Variants in SPATA6 observed in about 807,000 individuals in gnomAD.
The protein encoded by SPATA6 is spermatogenesis-associated protein 6.
In SPATA6, 56 loss-of-function variants were observed where a neutral mutation model predicts 65.3. That is an observed-to-expected ratio of 0.86 (90% CI 0.69 to 1.07). SPATA6 has a LOEUF of 1.07. Among genes scored for constraint, SPATA6 ranks in the 50% least tolerant of loss-of-function variants. The probability of loss-of-function intolerance (pLI) is 0.00; values close to 1 mark genes in which losing one functional copy is unlikely to be tolerated. For synonymous variants in SPATA6, 199 were observed against 213.2 expected, an observed-to-expected ratio of 0.93 and a Z score of 0.58; for missense variants, 590 against 594.8, an observed-to-expected ratio of 0.99 and a Z score of 0.08.
intron 11 of SPATA6, among the ~76,000 whole-genome samples, chr1:48,342,862 T>A (rs901515429): frequency 6.6e-6 from 1 of 151,956 alleles, no homozygotes; most frequent in Non-Finnish European, 1.5e-5. Flanking sequence ...AAATAAAAAA[T>A]TTTAAAGGAC....
chr1:48,331,129 A>G (rs1042500470), intron 11 of SPATA6, among the ~76,000 whole-genome samples: 1 of 152,230 alleles, frequency 6.6e-6, no homozygotes, highest in Non-Finnish European at 1.5e-5. Flanking sequence ...GACCACAAAG[A>G]TGATAAACAG....
intron 8 of SPATA6, among the ~76,000 whole-genome samples, chr1:48,394,380 G>A (rs201029130): frequency 6.6e-6 from 1 of 152,026 alleles, no homozygotes; most frequent in Non-Finnish European, 1.5e-5. Context: ...ACAGTGGCTT[G>A]TTCCTAAAGC....
At position 48,453,040 on chromosome 1, in the gene SPATA6, G is replaced by T. The variant is rs1386907734; in HGVS notation, c.143C>A (p.Pro48Gln). 3 of 1,613,916 alleles carry T rather than the reference G, an allele frequency of 1.9e-6. No individual in the cohort carries two copies. ...ATTGAAGACCAGGGGAAAAGTGGCT[G>T]GGACACATTGTGTCTTTTTGTATTG... ...FGQYKKTQCV[P>Q]ATFPLVFNAR... is the part of the protein sequence containing the mutation. The change falls in exon 2 of 13, where the codon CCA becomes CAA. Residue 48 changes from proline to glutamine, a missense_variant. Transcript: ENST00000371847.
At chr1:48,343,855 T>C (rs1449642398) in intron 11 of SPATA6, among the ~76,000 whole-genome samples, 1 of 152,136 alleles carries the variant, frequency 6.6e-6, no homozygotes, top group Non-Finnish European at 1.5e-5. Context: ...TTAGTAAGAA[T>C]ACTTGTTTTA....
the SPATA6 span, among the ~76,000 whole-genome samples, chr1:48,285,419 C>T: frequency 2.0e-5 from 3 of 151,792 alleles, no homozygotes; most frequent in Non-Finnish European, 4.4e-5. Context: ...GCTTCAGCCC[C>T]CTTTCCAGGG....
At chr1:48,416,780 ATCAAC>A (rs1188826217) in intron 3 of SPATA6, among the ~76,000 whole-genome samples, 1 of 152,088 alleles carries the variant, frequency 6.6e-6, no homozygotes, top group East Asian at 1.9e-4. Flanking sequence ...ACAAAATATT[ATCAAC>A]TCAAATCAAC....
intron 9 of SPATA6, among the ~76,000 whole-genome samples, chr1:48,372,916 T>G (rs1240582443): frequency 2.6e-5 from 4 of 152,192 alleles, no homozygotes; most frequent in African/African-American, 9.6e-5. Context: ...GTCCCTAGAC[T>G]GCACACAGCA....
At chr1:48,323,627 A>T (rs1645667238) in intron 11 of SPATA6, among the ~76,000 whole-genome samples, 2 of 152,006 alleles carry the variant, frequency 1.3e-5, no homozygotes, top group Admixed American at 1.3e-4. Context: ...AAAAAAAAAA[A>T]AAAGAGGAGA....
chr1:48,469,914 T>C (rs1165098881), intron 1 of SPATA6, among the ~76,000 whole-genome samples: 1 of 152,140 alleles, frequency 6.6e-6, no homozygotes, highest in Non-Finnish European at 1.5e-5. Flanking sequence ...GCACATCTGC[T>C]TCTAAACAGT....
At chr1:48,471,820 C>T (rs1305385149) in intron 1 of SPATA6, 138 bp downstream of exon 1, 5 of 1,004,088 alleles carry the variant, frequency 5.0e-6, no homozygotes, top group Non-Finnish European at 7.5e-6. Context: ...GGGGCAGGAC[C>T]GAAGGGGCGT....
Position 48,297,012 on chromosome 1 carries a change from G to A in SPATA6, c.*1701C>T, listed in dbSNP as rs1569956483. 9.7e-6 allele frequency: 1 copy of A among 103,376 alleles called. No homozygotes were observed. Among genetic ancestry groups the A allele is most frequent in the African/African-American group, 3.1e-5 (1 of 32,256 alleles). The allele number at this position is 103,376 out of a possible 1,614,324, so 6.4% of individuals were successfully genotyped here. On this transcript the variant is annotated 3_prime_UTR_variant, in exon 13 of 13. Coordinates refer to ENST00000371847, the MANE Select transcript of SPATA6 (RefSeq NM_019073.4). ...TCGAACAAGCTACTGTTCACAATGA[G>A]CACAGTGACCATATATCCTAATTTG...
intron 3 of SPATA6, 97 bp from the exon 4 acceptor site, chr1:48,413,248 T>C: frequency 2.3e-6 from 1 of 435,918 alleles, no homozygotes; most frequent in Non-Finnish European, 3.9e-6. Context: ...AAGTAATCAC[T>C]AGGTAGACTA....
intron 11 of SPATA6, among the ~76,000 whole-genome samples, chr1:48,310,561 G>A (rs1054461178): frequency 1.3e-5 from 2 of 152,138 alleles, no homozygotes; most frequent in Non-Finnish European, 2.9e-5. Context: ...CTGGCCCCAA[G>A]GAGTTTTTTA....
At chr1:48,436,265 G>A (rs1380276959) in intron 3 of SPATA6, 37 of 1,613,630 alleles carry the variant, frequency 2.3e-5, no homozygotes, top group Non-Finnish European at 3.0e-5. Flanking sequence ...AATGAAGAAC[G>A]CCTGAAAGCT....
the SPATA6 span, among the ~76,000 whole-genome samples, chr1:48,264,741 A>T: frequency 6.6e-6 from 1 of 152,150 alleles, no homozygotes; most frequent in African/African-American, 2.4e-5. Flanking sequence ...GTATATACGT[A>T]CCACATTTCT....
chr1:48,278,842 T>C, the SPATA6 span, among the ~76,000 whole-genome samples: 1 of 152,120 alleles, frequency 6.6e-6, no homozygotes, highest in South Asian at 2.1e-4. Flanking sequence ...GCCACAAAGA[T>C]ACTCCTCGAG....
intron 11 of SPATA6, among the ~76,000 whole-genome samples, chr1:48,310,910 T>C (rs913806906): frequency 6.6e-6 from 1 of 151,690 alleles, no homozygotes; most frequent in East Asian, 1.9e-4. Context: ...AATTAGAGAA[T>C]AATAGCAGAA....
intron 3 of SPATA6, among the ~76,000 whole-genome samples, chr1:48,442,656 A>C (rs1655611348): frequency 6.7e-6 from 1 of 148,836 alleles, no homozygotes; most frequent in Non-Finnish European, 1.5e-5. Flanking sequence ...AAACAGACAA[A>C]GAGGGAGTCA....
At chr1:48,424,389 T>A (rs1653643838) in intron 3 of SPATA6, among the ~76,000 whole-genome samples, 1 of 152,250 alleles carries the variant, frequency 6.6e-6, no homozygotes, top group African/African-American at 2.4e-5. Context: ...TATTAATTCA[T>A]CTGTTGATGG....
Sources: gnomAD v4.1 joint callset for allele counts (sites outside exome capture counted in the v4.1 genomes callset) on GRCh38, gnomAD v4.1.1 for gene constraint, MANE v1.5 for transcripts, NCBI Gene and HGNC (gene_info 2026-07-23, HGNC 2026-07-21) for gene names.